LRP1B: variants seen among roughly 807,000 people sequenced by gnomAD.
LRP1B encodes the protein low-density lipoprotein receptor-related protein 1B.
A neutral mutation model predicts 556.6 loss-of-function variants in LRP1B; 217 were observed. The observed-to-expected ratio is 0.39, with a 90% CI of 0.35 to 0.44. LRP1B has a LOEUF of 0.44. Among genes scored for constraint, LRP1B ranks in the 20% least tolerant of loss-of-function variants. The pLI, the probability that LRP1B is intolerant of heterozygous loss-of-function variation, is 1.00. For synonymous variants in LRP1B, 2,047 were observed against 1,865.8 expected, an observed-to-expected ratio of 1.10 and a Z score of -2.50; for missense variants, 5,053 against 5,620.8, an observed-to-expected ratio of 0.90 and a Z score of 3.23.
chr2:140,444,140 C>T (rs531501718), intron 65 of LRP1B, among the ~76,000 whole-genome samples, 190 bp downstream of exon 65: 2 of 152,044 alleles, frequency 1.3e-5, no homozygotes, highest in Non-Finnish European at 2.9e-5. Flanking sequence ...AGTAAACTTG[C>T]CCATATTTTC....
At chr2:141,263,558 CT>C (rs1159841652) in intron 3 of LRP1B, among the ~76,000 whole-genome samples, 1 of 152,092 alleles carries the variant, frequency 6.6e-6, no homozygotes, top group East Asian at 1.9e-4. Flanking sequence ...GGTAGCTTCC[CT>C]GAAGATTCTA....
At chr2:141,241,607 T>C (rs1683880395) in intron 5 of LRP1B, among the ~76,000 whole-genome samples, 2 of 152,024 alleles carry the variant, frequency 1.3e-5, no homozygotes, top group African/African-American at 4.8e-5. Flanking sequence ...CTTTTATTGA[T>C]CCCCAACATC....
At chr2:140,666,733 T>C (rs1010458731) in intron 41 of LRP1B, among the ~76,000 whole-genome samples, 5 of 152,182 alleles carry the variant, frequency 3.3e-5, no homozygotes, top group African/African-American at 4.8e-5. Context: ...TTGAAAAAAT[T>C]TTCCTAAAAA....
chr2:140,474,629 T>C (rs183725796), intron 60 of LRP1B, among the ~76,000 whole-genome samples: 41 of 152,094 alleles, frequency 2.7e-4, no homozygotes, highest in African/African-American at 9.6e-4. Flanking sequence ...TGTTTAACTA[T>C]ACGTGACATC....
chr2:141,227,885 C>T (rs1047533988), intron 6 of LRP1B, among the ~76,000 whole-genome samples: 3 of 152,122 alleles, frequency 2.0e-5, no homozygotes, highest in African/African-American at 7.2e-5. Flanking sequence ...TCTATCACAG[C>T]ATTCTTCTTT....
At chr2:140,302,090 C>T (rs1341574711) in intron 83 of LRP1B, among the ~76,000 whole-genome samples, 1 of 152,082 alleles carries the variant, frequency 6.6e-6, no homozygotes, top group South Asian at 2.1e-4. Flanking sequence ...TTCCGAAACA[C>T]TAGCTTTATT....
At chr2:141,500,277 C>T (rs944712898) in intron 2 of LRP1B, among the ~76,000 whole-genome samples, 13 of 152,078 alleles carry the variant, frequency 8.5e-5, no homozygotes, top group Admixed American at 7.9e-4. Context: ...GTCACATCTC[C>T]ACAATTTATC....
chr2:140,829,987 C>T (rs979831928), intron 31 of LRP1B, among the ~76,000 whole-genome samples: 1 of 151,854 alleles, frequency 6.6e-6, no homozygotes, highest in Admixed American at 6.6e-5. Context: ...CAACTAAACA[C>T]TAACAAATTG....
At chr2:140,348,629 T>A (rs1041073376) in intron 77 of LRP1B, among the ~76,000 whole-genome samples, 1 of 152,132 alleles carries the variant, frequency 6.6e-6, no homozygotes, top group African/African-American at 2.4e-5. Context: ...ATTACTATCA[T>A]TAAAAGTAAA....
intron 1 of LRP1B, among the ~76,000 whole-genome samples, chr2:142,084,501 A>G (rs1705836960): frequency 6.6e-6 from 1 of 152,138 alleles, no homozygotes; most frequent in African/African-American, 2.4e-5. Context: ...ATTTGTTCCA[A>G]TTTAGACTTC....
intron 2 of LRP1B, among the ~76,000 whole-genome samples, chr2:141,498,737 A>G (rs1683608724): frequency 6.6e-6 from 1 of 152,098 alleles, no homozygotes; most frequent in African/African-American, 2.4e-5. Flanking sequence ...CAGGGAAACT[A>G]TGATGGAAAG....
chr2:140,516,194 G>T (rs756801173), intron 50 of LRP1B, among the ~76,000 whole-genome samples: 4 of 151,948 alleles, frequency 2.6e-5, no homozygotes, highest in Admixed American at 1.3e-4. Flanking sequence ...TATTCAGTCA[G>T]CTCTCCACAT....
chr2:141,325,286 G>A (rs755948471), intron 3 of LRP1B, among the ~76,000 whole-genome samples: 1 of 152,002 alleles, frequency 6.6e-6, no homozygotes, highest in Non-Finnish European at 1.5e-5. Context: ...AACATTCATG[G>A]TCATTTATTT....
chr2:141,584,135 C>T (rs1388364316), intron 2 of LRP1B, among the ~76,000 whole-genome samples: 1 of 151,918 alleles, frequency 6.6e-6, no homozygotes, highest in African/African-American at 2.4e-5. Flanking sequence ...GTCTCAGCTA[C>T]TCAGGAGGCT....
At chr2:141,721,449 G>T (rs554833302) in intron 2 of LRP1B, among the ~76,000 whole-genome samples, 1 of 152,160 alleles carries the variant, frequency 6.6e-6, no homozygotes, top group South Asian at 2.1e-4. Flanking sequence ...CTGGAAGAAG[G>T]TTGTCAAGAT....
At chr2:141,460,780 C>A (rs1387296563) in intron 3 of LRP1B, among the ~76,000 whole-genome samples, 1 of 151,952 alleles carries the variant, frequency 6.6e-6, no homozygotes, top group Non-Finnish European at 1.5e-5. Flanking sequence ...AATAATATAT[C>A]CTGAAGAATT....
In LRP1B at chr2:140,924,937, T is replaced by G. The variant is rs1694843713; in HGVS notation, c.3137-1790A>C. On this transcript the variant is annotated intron_variant, in intron 20 of 90. Coordinates refer to ENST00000389484, the MANE Select transcript of LRP1B (RefSeq NM_018557.3). Reference sequence around the variant, plus strand: ...GCAGAGTGCTCTATATAGAAATATATTCAATGATTCAAACAAATGTATTTA... The same window carrying G: ...GCAGAGTGCTCTATATAGAAATATAGTCAATGATTCAAACAAATGTATTTA... 2.0e-5 allele frequency among the ~76,000 whole-genome samples: 3 copies of G among 152,034 alleles called. No homozygotes were observed. In the South Asian group the frequency reaches 6.2e-4, roughly 31 times the overall value.
intron 3 of LRP1B, among the ~76,000 whole-genome samples, chr2:141,273,709 C>G (rs1685175315): frequency 6.6e-6 from 1 of 151,950 alleles, no homozygotes; most frequent in Non-Finnish European, 1.5e-5. Context: ...GCACAAGTGA[C>G]AAAGGAAAAA....
rs55940834 is a variant in LRP1B, at chr2:141,342,258, T to A, written c.344-87617A>T. ...GACTCCATCTCAAAAAAAAAAAAAA[T>A]AAAATAAATAAAAATAAAATAAATA... On this transcript the variant is annotated intron_variant, in intron 3 of 90. Coordinates refer to ENST00000389484, the MANE Select transcript of LRP1B (RefSeq NM_018557.3). Among the ~76,000 whole-genome samples the A allele has an allele frequency of 6.3e-3, 718 of 114,386 alleles. 9 individuals are homozygous for A. Among genetic ancestry groups the A allele is most frequent in the African/African-American group, 0.021 (596 of 28,552 alleles). 75.0% of individuals were successfully genotyped at this position (114,386 alleles called of 152,430 possible).
Sources: allele counts gnomAD v4.1 joint callset (sites outside exome capture counted in the v4.1 genomes callset), GRCh38; gene constraint gnomAD v4.1.1; transcripts MANE v1.5; gene names NCBI Gene and HGNC (gene_info 2026-07-23, HGNC 2026-07-21).